Variants in XKR6 observed in about 807,000 individuals in gnomAD.
XKR6 encodes the protein XK-related protein 6.
Under a neutral mutation model 56.7 loss-of-function variants are expected in XKR6, and 22 were observed. The ratio of observed to expected loss-of-function variants is 0.39; its 90% CI spans 0.28 to 0.55. The LOEUF is 0.55. XKR6 is among the 20% of genes least tolerant of loss of function. The pLI, the probability that XKR6 is intolerant of heterozygous loss-of-function variation, is 0.66. For missense variants in XKR6, 852 were observed against 889.0 expected (o/e 0.96, Z 0.53); for synonymous variants, 524 against 387.8 (o/e 1.35, Z -4.13).
chr8:11,168,761 A>T (rs146949038), intron 1 of XKR6, among the ~76,000 whole-genome samples: 47 of 152,280 alleles, frequency 3.1e-4, no homozygotes, highest in Admixed American at 1.3e-3. Context: ...ACAGCCTGAA[A>T]AATCAGGCTG....
chr8:11,143,758 G>C (rs1200187259), intron 1 of XKR6, among the ~76,000 whole-genome samples: 4 of 152,098 alleles, frequency 2.6e-5, no homozygotes, highest in African/African-American at 9.7e-5. Context: ...GTGGCTAAAG[G>C]GGATTCACTT....
chr8:11,173,903 T>TG (rs1353630282), intron 1 of XKR6, among the ~76,000 whole-genome samples: 1 of 152,090 alleles, frequency 6.6e-6, no homozygotes, highest in Admixed American at 6.5e-5. Flanking sequence ...CGGGACACAG[T>TG]GGGAAAAAAA....
At chr8:11,041,230 A>C (rs1490568659) in intron 1 of XKR6, among the ~76,000 whole-genome samples, 1 of 152,154 alleles carries the variant, frequency 6.6e-6, no homozygotes, top group Non-Finnish European at 1.5e-5. Context: ...CAGAGCATTA[A>C]GGGAAAACAA....
At chr8:10,913,203 A>G (rs1320664745) in intron 2 of XKR6, among the ~76,000 whole-genome samples, 1 of 151,776 alleles carries the variant, frequency 6.6e-6, no homozygotes, top group East Asian at 1.9e-4. Context: ...TATATATTTG[A>G]AATTACATTG....
At chr8:10,968,859 C>G (rs996332639) in intron 1 of XKR6, among the ~76,000 whole-genome samples, 13 of 151,982 alleles carry the variant, frequency 8.6e-5, no homozygotes, top group Non-Finnish European at 1.6e-4. Flanking sequence ...GAGCCACCTG[C>G]CCGCTCTGAA....
intron 1 of XKR6, among the ~76,000 whole-genome samples, chr8:11,005,233 G>T (rs921946655): frequency 1.3e-5 from 2 of 151,924 alleles, no homozygotes; most frequent in African/African-American, 2.4e-5. Flanking sequence ...TGCTCAACAT[G>T]GCACACAACT....
intron 1 of XKR6, among the ~76,000 whole-genome samples, chr8:11,184,939 C>G (rs902714986): frequency 6.6e-6 from 1 of 152,152 alleles, no homozygotes; most frequent in African/African-American, 2.4e-5. Context: ...CAAATAACAT[C>G]GTTTCATTGA....
intron 1 of XKR6, among the ~76,000 whole-genome samples, chr8:11,191,091 G>T (rs1803549000): frequency 6.6e-6 from 1 of 152,088 alleles, no homozygotes; most frequent in African/African-American, 2.4e-5. Context: ...GCACTTTATT[G>T]ATCTTAGTTT....
At chr8:11,106,863 A>AAAAAG (rs60435831) in intron 1 of XKR6, among the ~76,000 whole-genome samples, 9 of 109,900 alleles carry the variant, frequency 8.2e-5, no homozygotes, top group African/African-American at 1.9e-4. Context: ...AAAAAAAAAA[A>AAAAAG]AATAAAAAAG....
At chr8:11,187,667 C>T (rs1019077742) in intron 1 of XKR6, among the ~76,000 whole-genome samples, 1 of 152,014 alleles carries the variant, frequency 6.6e-6, no homozygotes, top group Admixed American at 6.6e-5. Context: ...ATCAAAGCAC[C>T]TTCCTTTTGT....
intron 1 of XKR6, among the ~76,000 whole-genome samples, chr8:11,030,644 G>A (rs1470103237): frequency 2.0e-5 from 3 of 150,866 alleles, no homozygotes; most frequent in African/African-American, 7.3e-5. Context: ...TCCTGGGGGT[G>A]GCGTGAGGGG....
intron 1 of XKR6, among the ~76,000 whole-genome samples, chr8:11,153,038 A>G (rs917914180): frequency 3.3e-5 from 5 of 152,220 alleles, no homozygotes; most frequent in African/African-American, 9.6e-5. Flanking sequence ...TGAAGGAATT[A>G]TTAATTTTTG....
chr8:11,147,064 T>G (rs1801020293), intron 1 of XKR6, among the ~76,000 whole-genome samples: 1 of 151,744 alleles, frequency 6.6e-6, no homozygotes, highest in East Asian at 1.9e-4. Flanking sequence ...AGAAGGTAGA[T>G]CTCATGTTAG....
At chr8:11,175,976 C>T (rs1474483856) in intron 1 of XKR6, among the ~76,000 whole-genome samples, 1 of 152,164 alleles carries the variant, frequency 6.6e-6, no homozygotes, top group African/African-American at 2.4e-5. Flanking sequence ...TGAAGCCTGA[C>T]AAATTAATAT....
intron 1 of XKR6, among the ~76,000 whole-genome samples, chr8:11,083,624 A>G (rs750703976): frequency 2.0e-5 from 3 of 152,244 alleles, no homozygotes; most frequent in Non-Finnish European, 2.9e-5. Flanking sequence ...AGAGGACAGG[A>G]ATGAGTTCAT....
chr8:11,050,208 C>T (rs191689033), intron 1 of XKR6, among the ~76,000 whole-genome samples: 5 of 152,156 alleles, frequency 3.3e-5, no homozygotes, highest in African/African-American at 1.2e-4. Context: ...CAGAGACAAG[C>T]GTGCCAGATA....
intron 1 of XKR6, among the ~76,000 whole-genome samples, chr8:11,169,675 T>A (rs1266169670): frequency 1.3e-5 from 2 of 152,162 alleles, no homozygotes; most frequent in Non-Finnish European, 2.9e-5. Context: ...GAGTTTCTGC[T>A]AGGGATGAAG....
At chr8:11,128,471 T>C (rs984790751) in intron 1 of XKR6, among the ~76,000 whole-genome samples, 1 of 152,220 alleles carries the variant, frequency 6.6e-6, no homozygotes, top group Non-Finnish European at 1.5e-5. Flanking sequence ...AACAGGTATA[T>C]GCATATTTAA....
chr8:10,960,567 T>A (rs1455345512), intron 1 of XKR6, among the ~76,000 whole-genome samples: 1 of 152,212 alleles, frequency 6.6e-6, no homozygotes, highest in African/African-American at 2.4e-5. Flanking sequence ...GTCTGCCACT[T>A]CTGCATAGTT....
Sources: allele counts gnomAD v4.1 joint callset (sites outside exome capture counted in the v4.1 genomes callset), GRCh38; gene constraint gnomAD v4.1.1; transcripts MANE v1.5; gene names NCBI Gene and HGNC (gene_info 2026-07-23, HGNC 2026-07-21).